OCIAD1: variants seen among roughly 807,000 people sequenced by gnomAD.
OCIAD1 encodes OCIA domain-containing protein 1.
OCIAD1 carries 29 observed loss-of-function variants against 38.9 expected under a neutral mutation model. That is an observed-to-expected ratio of 0.74 (90% CI 0.55 to 1.02). OCIAD1 has a LOEUF of 1.02. Among genes scored for constraint, OCIAD1 ranks in the 50% least tolerant of loss-of-function variants. OCIAD1 has a pLI of 0.00. For missense variants in OCIAD1, 288 were observed against 289.6 expected (o/e 0.99, Z 0.04); for synonymous variants, 110 against 92.0 (o/e 1.20, Z -1.12).
In OCIAD1 at chr4:48,818,705, A is replaced by G. The variant is rs193090009; in HGVS notation, c.-102-11872A>G. On this transcript the variant is annotated intron_variant, in intron 1 of 6. Transcript: ENST00000504654. ...AAGGTTACAGGAACTGCTAACTAGAATAACCAGTTTAGAGAGGAACATAAA... is the reference window on the plus strand; with the variant it reads ...AAGGTTACAGGAACTGCTAACTAGAGTAACCAGTTTAGAGAGGAACATAAA... 7.2e-5 allele frequency among the ~76,000 whole-genome samples: 11 copies of G among 152,318 alleles called. No individual in the cohort carries two copies. The East Asian group carries it at 2.1e-3, about 29-fold the overall frequency.
intron 8 of OCIAD1, among the ~76,000 whole-genome samples, chr4:48,857,738 C>T (rs993259301): frequency 2.1e-4 from 32 of 152,208 alleles, no homozygotes; most frequent in Non-Finnish European, 4.0e-4. Flanking sequence ...TGGTCTCGAT[C>T]TTTTGACCTT....
At chr4:48,851,469 CTTGAGCCCAGTAGT>C (rs1779457920) in intron 6 of OCIAD1, among the ~76,000 whole-genome samples, 1 of 152,144 alleles carries the variant, frequency 6.6e-6, no homozygotes, top group Non-Finnish European at 1.5e-5. Context: ...AGGAGGGTTG[CTTGAGCCCAGTAGT>C]TTGAGACCAG....
intron 3 of OCIAD1, among the ~76,000 whole-genome samples, chr4:48,836,317 G>T (rs1302364388): frequency 6.6e-6 from 1 of 152,162 alleles, no homozygotes; most frequent in African/African-American, 2.4e-5. Context: ...GGGGAATGAA[G>T]GAATGGTAAG....
At chr4:48,815,318 G>A (rs1777134051) in intron 1 of OCIAD1, among the ~76,000 whole-genome samples, 1 of 152,020 alleles carries the variant, frequency 6.6e-6, no homozygotes, top group South Asian at 2.1e-4. Context: ...TCAAAAAAAA[G>A]AAAAGAATAA....
At chr4:48,819,995 G>A (rs892008994) in intron 1 of OCIAD1, among the ~76,000 whole-genome samples, 3 of 152,100 alleles carry the variant, frequency 2.0e-5, no homozygotes, top group Admixed American at 2.0e-4. Context: ...AGATCAATGA[G>A]ACAGATAATT....
At chr4:48,815,837 T>G (rs1167947368) in intron 1 of OCIAD1, among the ~76,000 whole-genome samples, 1 of 152,190 alleles carries the variant, frequency 6.6e-6, no homozygotes, top group Non-Finnish European at 1.5e-5. Flanking sequence ...ATATGAAATA[T>G]TTACATTCCA....
At chr4:48,841,610 T>G (rs1778537058) in intron 3 of OCIAD1, among the ~76,000 whole-genome samples, 1 of 152,200 alleles carries the variant, frequency 6.6e-6, no homozygotes, top group Non-Finnish European at 1.5e-5. Context: ...TGGCATGAAC[T>G]GTATTTGTAC....
intron 4 of OCIAD1, among the ~76,000 whole-genome samples, chr4:48,844,247 C>G (rs562888438): frequency 3.2e-4 from 49 of 152,168 alleles, no homozygotes; most frequent in African/African-American, 1.1e-3. Context: ...CATTAAATAG[C>G]TGAAGTAGAG....
At chr4:48,852,878 T>TTTTTTTTTGTTTG (rs1315271846) in intron 7 of OCIAD1, among the ~76,000 whole-genome samples, 12 of 147,202 alleles carry the variant, frequency 8.2e-5, no homozygotes, top group African/African-American at 2.8e-4. Context: ...TTTTTTTGTT[T>TTTTTTTTTGTTTG]TTTGTTTTTT....
At chr4:48,807,699 A>G (rs1579031578) in intron 1 of OCIAD1, among the ~76,000 whole-genome samples, 1 of 152,182 alleles carries the variant, frequency 6.6e-6, no homozygotes, top group South Asian at 2.1e-4. Context: ...GAGAGCACTT[A>G]AAAATTTAGA....
chr4:48,811,256 T>C (rs1168421371), intron 1 of OCIAD1, among the ~76,000 whole-genome samples: 2 of 152,198 alleles, frequency 1.3e-5, no homozygotes, highest in African/African-American at 4.8e-5. Flanking sequence ...CCTCCACGTC[T>C]TGTTTCACTT....
chr4:48,808,992 T>G (rs1252677129), intron 1 of OCIAD1, among the ~76,000 whole-genome samples: 2 of 152,216 alleles, frequency 1.3e-5, no homozygotes, highest in African/African-American at 4.8e-5. Flanking sequence ...TTATATGTTT[T>G]TATGATTTCT....
chr4:48,850,714 C>T (rs1437876239), intron 6 of OCIAD1, among the ~76,000 whole-genome samples: 6 of 152,210 alleles, frequency 3.9e-5, no homozygotes, highest in African/African-American at 1.4e-4. Context: ...GCTGAGACCA[C>T]AGGCATACAC....
chr4:48,853,691 A>G (rs1779741999), intron 7 of OCIAD1, among the ~76,000 whole-genome samples: 1 of 152,298 alleles, frequency 6.6e-6, no homozygotes, highest in East Asian at 1.9e-4. Flanking sequence ...TTAAAATTCA[A>G]TTTCTCAATT....
At chr4:48,830,431 A>G (rs1292226138), upstream of OCIAD1, 2 of 152,234 alleles carry the variant, frequency 1.3e-5, no homozygotes, top group East Asian at 3.8e-4. Context: ...ATACTTCAGG[A>G]AGGAATGTAT....
At chr4:48,847,081 C>T (rs1779039870) in intron 4 of OCIAD1, among the ~76,000 whole-genome samples, 2 of 152,166 alleles carry the variant, frequency 1.3e-5, no homozygotes, top group Admixed American at 1.3e-4. Context: ...AATGTATACT[C>T]CTACATTCTC....
At chr4:48,832,811 A>G (rs997481841) in intron 2 of OCIAD1, 129 bp downstream of exon 2, 6 of 712,630 alleles carry the variant, frequency 8.4e-6, no homozygotes, top group South Asian at 1.6e-5. Context: ...ACTTGGTTTC[A>G]TGTTCTAGTC....
In OCIAD1 at chr4:48,860,902, C is replaced by A; in HGVS notation, c.*140C>A. 1 of 685,214 alleles carries A rather than the reference C, an allele frequency of 1.5e-6. No homozygotes were observed. The allele number at this position is 685,214 out of a possible 1,614,324, so 42.4% of individuals were successfully genotyped here. A position where few individuals can be genotyped will look rare whatever the true frequency, so the allele number is the denominator to read the frequency against. On this transcript the variant is annotated 3_prime_UTR_variant, in exon 9 of 9. Transcript: ENST00000264312. ...ATCCTGGGTTTTTGTGGTTTGACTTCTATGGTGTTTTAAAAAAACACAGAT... is the reference window on the plus strand; with the variant it reads ...ATCCTGGGTTTTTGTGGTTTGACTTATATGGTGTTTTAAAAAAACACAGAT...
At chr4:48,834,100 A>G (rs1400061390) in intron 3 of OCIAD1, among the ~76,000 whole-genome samples, 2 of 152,236 alleles carry the variant, frequency 1.3e-5, no homozygotes, top group Admixed American at 6.5e-5. Flanking sequence ...ACTATTTAAC[A>G]AAGAATTGGT....
Sources: gnomAD v4.1 joint callset for allele counts (sites outside exome capture counted in the v4.1 genomes callset) on GRCh38, gnomAD v4.1.1 for gene constraint, MANE v1.5 for transcripts, NCBI Gene and HGNC (gene_info 2026-07-23, HGNC 2026-07-21) for gene names.